Variants in CUL3 observed in about 807,000 individuals in gnomAD.
CUL3 encodes cullin-3.
In CUL3, 19 loss-of-function variants were observed where a neutral mutation model predicts 89.1. The ratio of observed to expected loss-of-function variants is 0.21; its 90% CI spans 0.15 to 0.31. The LOEUF is 0.31. CUL3 is among the 10% of genes least tolerant of loss of function. The probability of loss-of-function intolerance (pLI) is 1.00; values close to 1 mark genes in which losing one functional copy is unlikely to be tolerated. For synonymous variants in CUL3, 351 were observed against 308.4 expected, an observed-to-expected ratio of 1.14 and a Z score of -1.45; for missense variants, 469 against 942.3, an observed-to-expected ratio of 0.50 and a Z score of 6.58.
chr2:224,544,270 G>A (rs1022776030), intron 2 of CUL3, among the ~76,000 whole-genome samples: 3 of 151,952 alleles, frequency 2.0e-5, no homozygotes, highest in African/African-American at 7.3e-5. Context: ...TTTAAATTGG[G>A]GCTTCTATTT....
intron 2 of CUL3, chr2:224,556,166 T>C (rs1694703733): frequency 6.6e-6 from 1 of 152,142 alleles, no homozygotes; most frequent in Non-Finnish European, 1.5e-5. Flanking sequence ...ATAGTAATAA[T>C]GATTCATGCA....
chr2:224,543,839 G>A (rs997578352), intron 2 of CUL3, among the ~76,000 whole-genome samples: 1 of 152,062 alleles, frequency 6.6e-6, no homozygotes, highest in Admixed American at 6.6e-5. Flanking sequence ...TAAACAATTA[G>A]CTGGGGGTGG....
At position 224,495,873 on chromosome 2, in the gene CUL3, T is replaced by C. The variant is rs772266414; in HGVS notation, c.1801A>G (p.Ile601Val). ...ILQVSTFQMT[I>V]LMLFNNREKY... ...TCTCTATTATTAAAGAGCATTAATATGGTCATCTGGAAAGTGGAAACTTGC... is the reference window on the plus strand; with the variant it reads ...TCTCTATTATTAAAGAGCATTAATACGGTCATCTGGAAAGTGGAAACTTGC... The change falls in exon 13 of 16, where the codon ATA becomes GTA. Residue 601 changes from isoleucine to valine, a missense_variant. Ile to Val is a conservative substitution (Grantham distance 29). This residue lies in a region of CUL3 where 370 missense variants were observed against 733.2 expected (regional missense o/e 0.50). Coordinates refer to ENST00000264414, the MANE Select transcript of CUL3 (RefSeq NM_003590.5). The C allele has an allele frequency of 5.0e-6, 8 of 1,612,680 alleles. No homozygotes were observed. Among genetic ancestry groups the C allele is most frequent in the Middle Eastern group, 1.6e-4 (1 of 6,078 alleles).
chr2:224,528,280 T>C (rs1452999571), intron 3 of CUL3, among the ~76,000 whole-genome samples: 2 of 152,154 alleles, frequency 1.3e-5, no homozygotes, highest in African/African-American at 2.4e-5. Flanking sequence ...TCTGTCTTCT[T>C]TGACTAGTGC....
intron 13 of CUL3, among the ~76,000 whole-genome samples, chr2:224,488,133 C>T (rs907891814): frequency 1.3e-5 from 2 of 152,098 alleles, no homozygotes; most frequent in African/African-American, 2.4e-5. Flanking sequence ...TAATTGCCCA[C>T]AGGAGAAAGC....
intron 1 of CUL3, among the ~76,000 whole-genome samples, chr2:224,581,506 TTC>T (rs1224774156): frequency 9.9e-5 from 15 of 151,430 alleles, no homozygotes; most frequent in Non-Finnish European, 2.1e-4. Flanking sequence ...AATTTTTCTT[TTC>T]TTTTTTTTTT....
chr2:224,524,189 A>T (rs1693380153), intron 3 of CUL3, among the ~76,000 whole-genome samples: 1 of 152,186 alleles, frequency 6.6e-6, no homozygotes, highest in Non-Finnish European at 1.5e-5. Context: ...AAACATACTG[A>T]GAGGAGCCCC....
chr2:224,507,293 T>C (rs1214545110), intron 6 of CUL3, among the ~76,000 whole-genome samples: 1 of 152,082 alleles, frequency 6.6e-6, no homozygotes, highest in African/African-American at 2.4e-5. Context: ...AAAACCATAA[T>C]AAACAAGTAA....
chr2:224,477,082 GACC>G, intron 15 of CUL3, among the ~76,000 whole-genome samples: 1 of 143,626 alleles, frequency 7.0e-6, no homozygotes, highest in East Asian at 2.1e-4. Context: ...TTATATTACT[GACC>G]ACTCACTCCT....
chr2:224,537,287 G>A (rs1438910359), intron 2 of CUL3, among the ~76,000 whole-genome samples: 1 of 151,914 alleles, frequency 6.6e-6, no homozygotes, highest in Non-Finnish European at 1.5e-5. Flanking sequence ...CTACATATTG[G>A]GGAAAACGAG....
intron 1 of CUL3, among the ~76,000 whole-genome samples, chr2:224,581,377 CAG>C (rs1377152848): frequency 6.9e-6 from 1 of 144,466 alleles, no homozygotes; most frequent in Non-Finnish European, 1.5e-5. Context: ...GCCTGGGTGA[CAG>C]AGCGAGTTTC....
intron 1 of CUL3, among the ~76,000 whole-genome samples, chr2:224,558,247 A>G (rs1434109199): frequency 1.3e-5 from 2 of 152,228 alleles, no homozygotes; most frequent in Admixed American, 6.5e-5. Flanking sequence ...TATAGCTGAA[A>G]GAAAACAAAG....
At chr2:224,552,373 A>C (rs1694545823) in intron 2 of CUL3, among the ~76,000 whole-genome samples, 1 of 152,206 alleles carries the variant, frequency 6.6e-6, no homozygotes. Flanking sequence ...GAAATGAACT[A>C]AATTCCTATG....
intron 3 of CUL3, among the ~76,000 whole-genome samples, chr2:224,520,831 C>T (rs1223231678): frequency 2.0e-5 from 3 of 152,204 alleles, no homozygotes; most frequent in African/African-American, 7.2e-5. Flanking sequence ...GCCTCTTCCT[C>T]TTCACCCTAC....
At chr2:224,569,497 GC>G (rs1281629916) in intron 1 of CUL3, among the ~76,000 whole-genome samples, 1 of 152,088 alleles carries the variant, frequency 6.6e-6, no homozygotes, top group Non-Finnish European at 1.5e-5. Context: ...AGTGATCTTT[GC>G]CTCCTTACCT....
chr2:224,558,013 CAG>C (rs989839852), intron 1 of CUL3, among the ~76,000 whole-genome samples, 157 bp from the exon 2 acceptor site: 7 of 149,062 alleles, frequency 4.7e-5, no homozygotes, highest in South Asian at 2.1e-4. Context: ...CCTATTTTAA[CAG>C]GGGGAAAAAA....
chr2:224,579,183 A>AGAG (rs1249394142), intron 1 of CUL3, among the ~76,000 whole-genome samples: 5 of 152,226 alleles, frequency 3.3e-5, no homozygotes, highest in African/African-American at 1.2e-4. Context: ...TTCTAAAGTC[A>AGAG]TAGTAGTACT....
rs940371027 is a variant in CUL3 at position 224,472,503 on chromosome 2, C to G, written c.*1742G>C. 1.7e-4 allele frequency: 32 copies of G among 189,336 alleles called. No homozygotes were observed. The highest frequency in any genetic ancestry group is 2.6e-4 in the African/African-American group (11 of 42,922). 11.7% of individuals were successfully genotyped at this position (189,336 alleles called of 1,614,324 possible). ...AGAAAATTTCCAATTATGTCAAAAT[C>G]AGAAGGTGAAACCCTTAGCTTTCCA... On this transcript the variant is annotated 3_prime_UTR_variant, in exon 16 of 16. Coordinates refer to ENST00000264414, the MANE Select transcript of CUL3 (RefSeq NM_003590.5).
At chr2:224,474,440 C>CT in intron 15 of CUL3, 64 bp from the exon 16 acceptor site, 1 of 1,373,026 alleles carries the variant, frequency 7.3e-7, no homozygotes, top group Non-Finnish European at 1.0e-6. Context: ...TTGAACAGAA[C>CT]TGATATGTCA....
Sources: allele counts gnomAD v4.1 joint callset (sites outside exome capture counted in the v4.1 genomes callset), GRCh38; gene constraint gnomAD v4.1.1; regional missense constraint gnomAD v4.1.1; transcripts MANE v1.5; gene names NCBI Gene and HGNC (gene_info 2026-07-23, HGNC 2026-07-21).